Variants in ASIC2 observed in about 807,000 individuals in gnomAD.
ASIC2 encodes acid sensing ion channel subunit 2.
A neutral mutation model predicts 57.3 loss-of-function variants in ASIC2; 25 were observed. The ratio of observed to expected loss-of-function variants is 0.44; its 90% CI spans 0.32 to 0.61. ASIC2 has a LOEUF of 0.61. ASIC2 is among the 20% of genes least tolerant of loss of function. The pLI is 0.06. For synonymous variants in ASIC2, 319 were observed against 307.5 expected, an observed-to-expected ratio of 1.04 and a Z score of -0.39; for missense variants, 641 against 738.1, an observed-to-expected ratio of 0.87 and a Z score of 1.52.
chr17:33,784,746 A>G (rs1028390957), intron 1 of ASIC2, among the ~76,000 whole-genome samples: 13 of 152,222 alleles, frequency 8.5e-5, no homozygotes, highest in African/African-American at 3.1e-4. Flanking sequence ...CCACATGTCC[A>G]GTGCTCAAGA....
At position 33,775,977 on chromosome 17, in the gene ASIC2, A is replaced by G. The variant is rs542062560; in HGVS notation, c.555+380001T>C. 1.5e-3 allele frequency among the ~76,000 whole-genome samples: 228 copies of G among 152,258 alleles called. No homozygotes were observed. In the South Asian group the frequency reaches 0.016, roughly 11 times the overall value. On this transcript the variant is annotated intron_variant, in intron 1 of 9. Transcript: ENST00000359872. The stretch of plus-strand genomic sequence containing the variant: ...ACGAAACACCGTATCTACTAAAAGT[A>G]TAAAAATTAGCCGGGTGTGGTGGTG...
intron 1 of ASIC2, among the ~76,000 whole-genome samples, chr17:33,915,890 C>G (rs1178600162): frequency 6.6e-6 from 1 of 152,126 alleles, no homozygotes; most frequent in Non-Finnish European, 1.5e-5. Context: ...AGATTGAAGG[C>G]ACACCAGGCC....
intron 1 of ASIC2, among the ~76,000 whole-genome samples, chr17:33,799,427 C>CTTTCT (rs11439080): frequency 1.2e-5 from 1 of 84,060 alleles, no homozygotes; most frequent in Non-Finnish European, 2.4e-5. Flanking sequence ...TTCTTTCTTT[C>CTTTCT]TTCTTTCTTT....
At chr17:33,798,989 G>C (rs1279219921) in intron 1 of ASIC2, among the ~76,000 whole-genome samples, 3 of 152,194 alleles carry the variant, frequency 2.0e-5, no homozygotes, top group Admixed American at 6.5e-5. Context: ...AGCCATCTCT[G>C]TGTCCCTGGA....
At chr17:33,414,511 C>T (rs80110384) in intron 1 of ASIC2, among the ~76,000 whole-genome samples, 16,061 of 152,134 alleles carry the variant, frequency 0.11, 922 homozygotes, top group Middle Eastern at 0.14. Flanking sequence ...GTTCCTACCA[C>T]GGCAGCCACC....
chr17:33,037,232 G>A (rs1342172968), intron 3 of ASIC2, among the ~76,000 whole-genome samples: 1 of 151,192 alleles, frequency 6.6e-6, no homozygotes, highest in Non-Finnish European at 1.5e-5. Flanking sequence ...CATGCCTTTT[G>A]GGCAGGGACT....
intron 1 of ASIC2, among the ~76,000 whole-genome samples, chr17:33,332,640 C>T (rs1005318521): frequency 6.6e-5 from 10 of 152,146 alleles, no homozygotes; most frequent in Non-Finnish European, 1.5e-4. Context: ...CTTGTAATCC[C>T]GGCACTTTGG....
At chr17:33,135,378 C>T (rs183185947) in intron 1 of ASIC2, among the ~76,000 whole-genome samples, 8 of 152,168 alleles carry the variant, frequency 5.3e-5, no homozygotes, top group African/African-American at 1.9e-4. Context: ...AATCACTGTG[C>T]CTTACTCTGC....
intron 1 of ASIC2, among the ~76,000 whole-genome samples, chr17:33,140,249 G>T (rs1349709097): frequency 6.6e-6 from 1 of 152,214 alleles, no homozygotes; most frequent in Non-Finnish European, 1.5e-5. Context: ...TTGGCTGCTT[G>T]GACCCACTGC....
At chr17:33,555,111 G>A (rs1363902856) in intron 1 of ASIC2, among the ~76,000 whole-genome samples, 1 of 152,076 alleles carries the variant, frequency 6.6e-6, no homozygotes, top group African/African-American at 2.4e-5. Flanking sequence ...GTCTCTTCCG[G>A]GTTTCACAAT....
intron 1 of ASIC2, among the ~76,000 whole-genome samples, chr17:33,177,844 G>T (rs1905820477): frequency 6.6e-6 from 1 of 152,198 alleles, no homozygotes; most frequent in African/African-American, 2.4e-5. Flanking sequence ...TGTTGTGCCA[G>T]TCAGAGCCCT....
intron 1 of ASIC2, among the ~76,000 whole-genome samples, chr17:33,364,429 A>G (rs368589701): frequency 1.7e-4 from 26 of 152,330 alleles, no homozygotes; most frequent in African/African-American, 5.8e-4. Flanking sequence ...TTAGCTCTGC[A>G]TCCCCAACCA....
intron 1 of ASIC2, among the ~76,000 whole-genome samples, chr17:33,588,742 G>A (rs1904726461): frequency 6.6e-6 from 1 of 152,232 alleles, no homozygotes; most frequent in South Asian, 2.1e-4. Flanking sequence ...GGGGTCAAGT[G>A]TGGCTCCCCA....
chr17:33,873,718 C>G (rs1414659166), intron 1 of ASIC2, among the ~76,000 whole-genome samples: 4 of 152,228 alleles, frequency 2.6e-5, no homozygotes, highest in African/African-American at 9.6e-5. Context: ...AAGTAGGATT[C>G]AAGCCCATGC....
chr17:33,312,309 G>T (rs962580790), intron 1 of ASIC2, among the ~76,000 whole-genome samples: 3 of 152,138 alleles, frequency 2.0e-5, no homozygotes, highest in Non-Finnish European at 4.4e-5. Context: ...CTTTTAGTGG[G>T]GTGACACAGG....
At position 33,392,166 on chromosome 17, in the gene ASIC2, CCTTT is replaced by C. The variant is rs1162135784; in HGVS notation, c.556-280103_556-280100del. Among the ~76,000 whole-genome samples, 368 of 138,774 alleles carry C rather than the reference CCTTT, an allele frequency of 2.7e-3. 1 individual carries two copies. Among genetic ancestry groups the C allele is most frequent in the African/African-American group, 8.7e-3 (323 of 36,954 alleles). The allele number at this position is 138,774 out of a possible 152,430, so 91.0% of individuals were successfully genotyped here. On this transcript the variant is annotated intron_variant, in intron 1 of 9. Coordinates refer to the ASIC2 transcript ENST00000359872. ...TGAAAGTCCCCTTTTTCTTTCTTTT[CCTTT>C]CTTCCTTCCTTCCTTCCTTCCTTCC...
chr17:33,775,792 T>C (rs1028360060), intron 1 of ASIC2, among the ~76,000 whole-genome samples: 4 of 152,164 alleles, frequency 2.6e-5, no homozygotes, highest in Admixed American at 6.5e-5. Context: ...CTCTGTGCTG[T>C]CCTTGGGGCT....
chr17:33,353,953 G>C (rs924910307), intron 1 of ASIC2, among the ~76,000 whole-genome samples: 1 of 152,158 alleles, frequency 6.6e-6, no homozygotes, highest in Non-Finnish European at 1.5e-5. Context: ...AAGGAAATAG[G>C]TTTAATGGAC....
intron 1 of ASIC2, among the ~76,000 whole-genome samples, chr17:33,154,430 C>T (rs1289995234): frequency 6.6e-6 from 1 of 152,216 alleles, no homozygotes; most frequent in African/African-American, 2.4e-5. Context: ...GCCATATCCC[C>T]CTTAATGCTT....
Sources: gnomAD v4.1 joint callset for allele counts (sites outside exome capture counted in the v4.1 genomes callset) on GRCh38, gnomAD v4.1.1 for gene constraint, MANE v1.5 for transcripts, NCBI Gene and HGNC (gene_info 2026-07-23, HGNC 2026-07-21) for gene names.